Variants in PIK3C2G observed in about 807,000 individuals in gnomAD.
PIK3C2G encodes phosphatidylinositol-4-phosphate 3-kinase catalytic subunit type 2 gamma.
In PIK3C2G, 168 loss-of-function variants were observed where a neutral mutation model predicts 181.1. The ratio of observed to expected loss-of-function variants is 0.93; its 90% confidence interval spans 0.82 to 1.05. The LOEUF (loss-of-function observed/expected upper bound fraction) is 1.05, where lower values mean the gene tolerates loss of function less well. Ranked by LOEUF, PIK3C2G falls within the 50% of genes least tolerant of loss-of-function variation. PIK3C2G has a pLI of 0.00. For missense variants in PIK3C2G, 1,869 were observed against 1,732.8 expected, an observed-to-expected ratio of 1.08 and a Z score of -1.40; for synonymous variants, 573 against 592.2, an observed-to-expected ratio of 0.97 and a Z score of 0.47.
At chr12:18,723,462 T>G in the PIK3C2G span, 2 of 1,613,090 alleles carry the variant, frequency 1.2e-6, no homozygotes, top group East Asian at 2.2e-5. Flanking sequence ...TCTCAATAAT[T>G]TCTTCTCTGT....
intron 18 of PIK3C2G, among the ~76,000 whole-genome samples, chr12:18,426,009 A>T (rs1165211889): frequency 6.6e-6 from 1 of 152,212 alleles, no homozygotes; most frequent in Non-Finnish European, 1.5e-5. Flanking sequence ...TTTGTCATCA[A>T]GACCTTGACT....
At chr12:18,646,166 A>G (rs518182) in intron 32 of PIK3C2G, among the ~76,000 whole-genome samples, 26,111 of 152,180 alleles carry the variant, frequency 0.17, 2,838 homozygotes, top group African/African-American at 0.3. Context: ...GGAAAACTCA[A>G]TAGATGAAAT....
intron 29 of PIK3C2G, among the ~76,000 whole-genome samples, chr12:18,583,581 C>G (rs1426201464): frequency 6.6e-6 from 1 of 151,472 alleles, no homozygotes; most frequent in Non-Finnish European, 1.5e-5. Context: ...AGGGGCTGGT[C>G]CAGACCCCCA....
At chr12:18,337,873 A>T (rs1938692000) in intron 8 of PIK3C2G, among the ~76,000 whole-genome samples, 1 of 152,194 alleles carries the variant, frequency 6.6e-6, no homozygotes, top group Non-Finnish European at 1.5e-5. Flanking sequence ...CACTTCAAGG[A>T]TAGTGCAATC....
At chr12:18,591,851 CAT>C (rs1302507738) in intron 29 of PIK3C2G, among the ~76,000 whole-genome samples, 1 of 151,814 alleles carries the variant, frequency 6.6e-6, no homozygotes, top group Non-Finnish European at 1.5e-5. Context: ...AAGGCTATAA[CAT>C]AGATGAGAAT....
intron 1 of PIK3C2G, among the ~76,000 whole-genome samples, chr12:18,254,931 T>C (rs1252120874): frequency 1.3e-5 from 2 of 151,430 alleles, no homozygotes; most frequent in African/African-American, 4.8e-5. Context: ...GAAAGAGGCC[T>C]GGGCTCAGTG....
chr12:18,672,114 A>G, the PIK3C2G span, among the ~76,000 whole-genome samples: 1 of 152,222 alleles, frequency 6.6e-6, no homozygotes, highest in Admixed American at 6.5e-5. Context: ...AGCAAAGACA[A>G]GTGAATTTAA....
At chr12:18,655,611 C>T in the PIK3C2G span, among the ~76,000 whole-genome samples, 2,879 of 152,186 alleles carry the variant, frequency 0.019, 37 homozygotes, top group Middle Eastern at 0.048. Flanking sequence ...CTGACAAATA[C>T]TGCCTCAGGC....
chr12:18,516,261 G>GTTTT (rs34294540), intron 24 of PIK3C2G, among the ~76,000 whole-genome samples: 2 of 138,372 alleles, frequency 1.4e-5, no homozygotes, highest in African/African-American at 2.7e-5. Flanking sequence ...TTGACTGATG[G>GTTTT]TTTTTTTTTT....
chr12:18,582,999 C>T (rs1197647921), intron 29 of PIK3C2G, among the ~76,000 whole-genome samples: 2 of 152,046 alleles, frequency 1.3e-5, no homozygotes, highest in Non-Finnish European at 2.9e-5. Context: ...TTGTTGTTTT[C>T]AGGTGCTAGA....
At chr12:18,442,283 G>C (rs1374959527) in intron 18 of PIK3C2G, among the ~76,000 whole-genome samples, 2 of 152,142 alleles carry the variant, frequency 1.3e-5, no homozygotes, top group Non-Finnish European at 1.5e-5. Context: ...TACTCACTGA[G>C]TGTGGAATAC....
intron 6 of PIK3C2G, among the ~76,000 whole-genome samples, chr12:18,318,048 A>G (rs1009780181): frequency 4.6e-5 from 7 of 152,228 alleles, no homozygotes; most frequent in Admixed American, 6.5e-5. Context: ...ATTAATTTGC[A>G]TTAAAACATT....
At chr12:18,674,693 T>C in the PIK3C2G span, among the ~76,000 whole-genome samples, 319 of 152,298 alleles carry the variant, frequency 2.1e-3, 1 homozygote, top group African/African-American at 6.9e-3. Flanking sequence ...AGCATAATGT[T>C]CCACTGCTTG....
At chr12:18,602,264 C>T (rs1022090146) in intron 30 of PIK3C2G, among the ~76,000 whole-genome samples, 3 of 151,908 alleles carry the variant, frequency 2.0e-5, no homozygotes, top group Non-Finnish European at 4.4e-5. Context: ...CCAGCTTTCC[C>T]CCACTTCCCT....
chr12:18,398,289 A>T (rs953288752), intron 15 of PIK3C2G, among the ~76,000 whole-genome samples: 2 of 152,188 alleles, frequency 1.3e-5, no homozygotes, highest in African/African-American at 4.8e-5. Context: ...GGGGAAAAAA[A>T]TTTAATCTGA....
the PIK3C2G span, chr12:18,701,366 G>C: frequency 6.8e-7 from 1 of 1,464,454 alleles, no homozygotes; most frequent in Non-Finnish European, 9.1e-7. Context: ...TGTTTTCAAA[G>C]TAAATTGTAA....
chr12:18,349,078 A>G lies in PIK3C2G; in HGVS notation c.1625+2242A>G, dbSNP rs140966741. Among the ~76,000 whole-genome samples, 18 of 152,304 alleles carry G rather than the reference A, an allele frequency of 1.2e-4. No homozygotes were observed. In the East Asian group the frequency reaches 1.7e-3, roughly 15 times the overall value. ...GGCTTTTCCCAGAGCAGATGATCCA[A>G]GGAATGAGAGAGAGTCCATGAGCAA... is the stretch of plus-strand genomic sequence containing the variant. On this transcript the variant is annotated intron_variant, in intron 11 of 32. Coordinates refer to ENST00000538779, the MANE Select transcript of PIK3C2G (RefSeq NM_001288772.2).
At chr12:18,699,601 T>C in the PIK3C2G span, among the ~76,000 whole-genome samples, 2 of 152,206 alleles carry the variant, frequency 1.3e-5, no homozygotes, top group East Asian at 3.9e-4. Context: ...CTTAGGAAAG[T>C]TAATTAATGG....
At chr12:18,381,303 C>CT (rs559573764) in intron 13 of PIK3C2G, among the ~76,000 whole-genome samples, 89 of 146,900 alleles carry the variant, frequency 6.1e-4, no homozygotes, top group Admixed American at 1.0e-3. Context: ...TAATTTAAAT[C>CT]TTTTTTTTTT....
Sources: gnomAD v4.1 joint callset for allele counts (sites outside exome capture counted in the v4.1 genomes callset) on GRCh38, gnomAD v4.1.1 for gene constraint, MANE v1.5 for transcripts, NCBI Gene and HGNC (gene_info 2026-07-23, HGNC 2026-07-21) for gene names.